The following RBFOX1 variants were observed in gnomAD, a reference collection of about 807,000 sequenced individuals.
RBFOX1 encodes the protein RNA binding protein fox-1 homolog 1.
In RBFOX1, 8 loss-of-function variants were observed where a neutral mutation model predicts 57.7. The ratio of observed to expected loss-of-function variants is 0.14; its 90% confidence interval spans 0.08 to 0.25. RBFOX1 has a LOEUF of 0.25. RBFOX1 is among the 10% of genes least tolerant of loss of function. The probability of loss-of-function intolerance (pLI) is 1.00; values close to 1 mark genes in which losing one functional copy is unlikely to be tolerated. For missense variants in RBFOX1, 611 were observed against 548.5 expected (o/e 1.11, Z -1.14); for synonymous variants, 326 against 222.4 (o/e 1.47, Z -4.15).
intron 5 of RBFOX1, among the ~76,000 whole-genome samples, chr16:7,527,564 G>A (rs74010552): frequency 0.032 from 4,795 of 152,158 alleles, 214 homozygotes; most frequent in African/African-American, 0.11. Flanking sequence ...AGATATTATC[G>A]GGAGAAGCAG....
At chr16:7,532,411 A>G (rs2080333353) in intron 5 of RBFOX1, among the ~76,000 whole-genome samples, 1 of 152,186 alleles carries the variant, frequency 6.6e-6, no homozygotes, top group Admixed American at 6.5e-5. Flanking sequence ...GAGATAGGGT[A>G]TATTAATCAT....
rs9935471 is a variant in RBFOX1, at chr16:7,177,252, T to C, written c.27+125154T>C. On this transcript the variant is annotated intron_variant, in intron 4 of 15. Transcript: ENST00000550418. ...AATTTGTGCTCCTTATCTAGCTTGA[T>C]TGTCCATGGATAAGACCAAGTTCAA... 7.0e-3 allele frequency among the ~76,000 whole-genome samples: 1,073 copies of C among 152,260 alleles called. 14 individuals are homozygous for C. The highest frequency in any genetic ancestry group is 0.025 in the African/African-American group (1,028 of 41,532).
At chr16:7,604,124 G>T (rs1343210062) in intron 9 of RBFOX1, among the ~76,000 whole-genome samples, 1 of 152,172 alleles carries the variant, frequency 6.6e-6, no homozygotes, top group Non-Finnish European at 1.5e-5. Flanking sequence ...AAGTGTTGAT[G>T]AATTTTATTT....
chr16:6,267,239 GA>G (rs1209225773), intron 1 of RBFOX1, among the ~76,000 whole-genome samples: 6 of 151,782 alleles, frequency 4.0e-5, no homozygotes, highest in South Asian at 2.1e-4. Context: ...TATATGGGCA[GA>G]AAAAAAACTG....
At chr16:5,778,955 A>G (rs1029235631) in intron 3 of RBFOX1, among the ~76,000 whole-genome samples, 2 of 152,198 alleles carry the variant, frequency 1.3e-5, no homozygotes. Flanking sequence ...TTTATTCATT[A>G]AGCCCCTCAT....
chr16:5,665,113 C>G (rs1229352770), intron 3 of RBFOX1, among the ~76,000 whole-genome samples: 5 of 122,052 alleles, frequency 4.1e-5, no homozygotes, highest in African/African-American at 1.4e-4. Context: ...GGCTGGCTAA[C>G]TTTTTGATAT....
chr16:5,458,797 C>G (rs1374574944), intron 1 of RBFOX1, among the ~76,000 whole-genome samples: 1 of 152,224 alleles, frequency 6.6e-6, no homozygotes, highest in African/African-American at 2.4e-5. Context: ...CATCCATTCA[C>G]CCTTCCACAG....
intron 1 of RBFOX1, among the ~76,000 whole-genome samples, chr16:6,269,691 T>C (rs971889943): frequency 6.6e-6 from 1 of 152,098 alleles, no homozygotes; most frequent in Non-Finnish European, 1.5e-5. Flanking sequence ...GAAGAAAAAC[T>C]AAAAGAATTG....
intron 4 of RBFOX1, among the ~76,000 whole-genome samples, chr16:7,283,978 C>G (rs139062203): frequency 1.3e-5 from 2 of 152,328 alleles, no homozygotes; most frequent in East Asian, 3.9e-4. Flanking sequence ...AATTGGCAGT[C>G]TCTTTTCTGT....
intron 14 of RBFOX1, among the ~76,000 whole-genome samples, chr16:7,681,629 T>C (rs1459544496): frequency 1.3e-5 from 2 of 152,184 alleles, no homozygotes; most frequent in African/African-American, 2.4e-5. Flanking sequence ...GCATCCTGAA[T>C]AGAAAATTTA....
At chr16:7,526,180 T>C (rs921340982) in intron 5 of RBFOX1, among the ~76,000 whole-genome samples, 4 of 152,192 alleles carry the variant, frequency 2.6e-5, no homozygotes, top group African/African-American at 4.8e-5. Context: ...TTATCTGAGG[T>C]GCAACCATTT....
At chr16:7,266,532 C>A (rs570639181) in intron 4 of RBFOX1, among the ~76,000 whole-genome samples, 10 of 152,230 alleles carry the variant, frequency 6.6e-5, no homozygotes, top group African/African-American at 2.4e-4. Flanking sequence ...GCAAGAACAA[C>A]CTATTACACC....
At chr16:5,706,444 C>G (rs1218968463) in intron 3 of RBFOX1, among the ~76,000 whole-genome samples, 1 of 152,128 alleles carries the variant, frequency 6.6e-6, no homozygotes, top group Non-Finnish European at 1.5e-5. Context: ...TTCCCTGGTG[C>G]TCCCCCGTCA....
rs199859015 is a variant in RBFOX1, at chr16:6,324,575, G to T, written c.-64+7518G>T. Among the ~76,000 whole-genome samples, 3 of 152,126 alleles carry T rather than the reference G, an allele frequency of 2.0e-5. No homozygotes were observed. In the East Asian group the frequency reaches 5.8e-4, roughly 29 times the overall value. ...CATGCACTTTAAACAACCAGATGTTGTTACAACTCATTCATTGCTGCAAGG... is the reference window on the plus strand; with the variant it reads ...CATGCACTTTAAACAACCAGATGTTTTTACAACTCATTCATTGCTGCAAGG... On this transcript the variant is annotated intron_variant, in intron 2 of 15. Transcript: ENST00000550418.
At chr16:7,099,464 C>T (rs552346802) in intron 4 of RBFOX1, among the ~76,000 whole-genome samples, 1 of 152,234 alleles carries the variant, frequency 6.6e-6, no homozygotes, top group South Asian at 2.1e-4. Context: ...GAGTGGTTTG[C>T]ACTGGTATGT....
intron 3 of RBFOX1, among the ~76,000 whole-genome samples, chr16:5,634,072 A>T (rs2048605932): frequency 6.6e-6 from 1 of 152,186 alleles, no homozygotes; most frequent in African/African-American, 2.4e-5. Context: ...CATTAGTTGC[A>T]GTTTCTGAGG....
chr16:7,242,662 T>C (rs902291837), intron 4 of RBFOX1, among the ~76,000 whole-genome samples: 2 of 152,156 alleles, frequency 1.3e-5, no homozygotes, highest in Non-Finnish European at 2.9e-5. Context: ...CAGTCCAACA[T>C]CCGTGCTTCG....
At chr16:6,517,398 C>T (rs964524593) in intron 2 of RBFOX1, among the ~76,000 whole-genome samples, 25 of 152,104 alleles carry the variant, frequency 1.6e-4, no homozygotes, top group African/African-American at 5.8e-4. Flanking sequence ...TTAGGCATGA[C>T]AGTTTATTAC....
chr16:6,985,920 G>C (rs1375565375), intron 3 of RBFOX1, among the ~76,000 whole-genome samples: 2 of 146,634 alleles, frequency 1.4e-5, no homozygotes, highest in African/African-American at 5.1e-5. Flanking sequence ...ATCTGCAAAT[G>C]AATGTGAATT....
Sources: allele counts gnomAD v4.1 joint callset (sites outside exome capture counted in the v4.1 genomes callset), GRCh38; gene constraint gnomAD v4.1.1; transcripts MANE v1.5; gene names NCBI Gene and HGNC (gene_info 2026-07-23, HGNC 2026-07-21).